Variants in RFX3 observed in about 807,000 individuals in gnomAD.
The protein encoded by RFX3 is transcription factor RFX3.
RFX3 carries 14 observed loss-of-function variants against 98.6 expected under a neutral mutation model. The observed-to-expected ratio is 0.14, with a 90% confidence interval of 0.09 to 0.22. The LOEUF (loss-of-function observed/expected upper bound fraction) is 0.22, where lower values mean the gene tolerates loss of function less well. Ranked by LOEUF, RFX3 falls within the 10% of genes least tolerant of loss-of-function variation. The pLI, the probability that RFX3 is intolerant of heterozygous loss-of-function variation, is 1.00. For missense variants in RFX3, 639 were observed against 926.9 expected (o/e 0.69, Z 4.03); for synonymous variants, 383 against 328.4 (o/e 1.17, Z -1.80).
Position 3,230,941 on chromosome 9 carries a change from G to A in RFX3, c.1969-2052C>T, listed in dbSNP as rs185731858. Among the ~76,000 whole-genome samples the A allele has an allele frequency of 2.0e-4, 30 of 152,090 alleles. 1 individual carries two copies. The highest frequency in any genetic ancestry group is 1.1e-3 in the Admixed American group (17 of 15,262). ...TTGCATTTAGTTGCTACTTAACTCC[G>A]AAAACATGACAACTTCCTTAATACA... On this transcript the variant is annotated intron_variant, in intron 15 of 16. Coordinates refer to ENST00000617270, the MANE Select transcript of RFX3 (RefSeq NM_001282116.2).
intron 2 of RFX3, among the ~76,000 whole-genome samples, chr9:3,390,738 G>A (rs1337623509): frequency 5.9e-5 from 9 of 152,050 alleles, no homozygotes; most frequent in Non-Finnish European, 1.0e-4. Flanking sequence ...GCTGCCACCC[G>A]TGTAAGACAT....
At chr9:3,361,360 G>C (rs1445905794) in intron 2 of RFX3, among the ~76,000 whole-genome samples, 1 of 152,000 alleles carries the variant, frequency 6.6e-6, no homozygotes, top group Non-Finnish European at 1.5e-5. Context: ...TGAGGAAAGA[G>C]AAGTAAAAAA....
Position 3,438,710 on chromosome 9 carries a change from C to T in RFX3, c.-8-43114G>A, listed in dbSNP as rs917076382. ...CAGAAAAAGATATACCACACTAATA[C>T]CAGTCAAAAGAAATCTAGAGTGGCT... is the stretch of plus-strand genomic sequence containing the variant. On this transcript the variant is annotated intron_variant, in intron 1 of 16. Coordinates refer to ENST00000617270, the MANE Select transcript of RFX3 (RefSeq NM_001282116.2). Among the ~76,000 whole-genome samples the T allele has an allele frequency of 4.0e-5, 6 of 151,898 alleles. No homozygotes were observed. In the South Asian group the frequency reaches 1.2e-3, roughly 31 times the overall value.
intron 13 of RFX3, among the ~76,000 whole-genome samples, chr9:3,258,892 T>C (rs1822495939): frequency 6.6e-6 from 1 of 151,592 alleles, no homozygotes. Context: ...ACATACATTT[T>C]ATATTATTAT....
At chr9:3,341,949 A>G (rs1833936364) in intron 3 of RFX3, among the ~76,000 whole-genome samples, 1 of 152,198 alleles carries the variant, frequency 6.6e-6, no homozygotes, top group Admixed American at 6.5e-5. Context: ...GCATAATTTC[A>G]CCTGCAAATA....
intron 1 of RFX3, among the ~76,000 whole-genome samples, chr9:3,396,458 G>C (rs1247957795): frequency 6.6e-6 from 1 of 152,118 alleles, no homozygotes; most frequent in Admixed American, 6.6e-5. Context: ...CATTTGGCTT[G>C]GTTCCGAGTC....
At chr9:3,327,687 A>G (rs1454837166) in intron 4 of RFX3, among the ~76,000 whole-genome samples, 8 of 152,132 alleles carry the variant, frequency 5.3e-5, no homozygotes, top group Non-Finnish European at 8.8e-5. Context: ...TATTTTTAGT[A>G]TAAAATTAAT....
At chr9:3,270,161 G>T (rs1390794631) in intron 11 of RFX3, among the ~76,000 whole-genome samples, 2 of 148,862 alleles carry the variant, frequency 1.3e-5, no homozygotes, top group East Asian at 3.9e-4. Context: ...GAAAGAAAAA[G>T]AAAAGAAAGA....
intron 1 of RFX3, among the ~76,000 whole-genome samples, chr9:3,403,998 C>A (rs1841726669): frequency 6.6e-6 from 1 of 152,136 alleles, no homozygotes. Context: ...AGAATAGAGT[C>A]TTTTGCAGTT....
intron 11 of RFX3, 65 bp downstream of exon 11, chr9:3,270,306 C>A: frequency 6.7e-7 from 1 of 1,497,256 alleles, no homozygotes; most frequent in African/African-American, 1.4e-5. Context: ...AATGTCACTT[C>A]TCAAAACTTC....
chr9:3,322,421 C>A (rs1293983722), intron 4 of RFX3, among the ~76,000 whole-genome samples: 4 of 152,028 alleles, frequency 2.6e-5, no homozygotes, highest in African/African-American at 9.7e-5. Context: ...TCTAGAAAAG[C>A]TATTGATTTA....
chr9:3,445,009 G>A (rs79988525), intron 1 of RFX3, among the ~76,000 whole-genome samples: 9,691 of 152,170 alleles, frequency 0.064, 881 homozygotes, highest in African/African-American at 0.2. Context: ...AAACAGAACA[G>A]ATAGTTTGTA....
At chr9:3,464,481 T>C (rs756208417) in intron 1 of RFX3, among the ~76,000 whole-genome samples, 6 of 152,164 alleles carry the variant, frequency 3.9e-5, no homozygotes, top group Non-Finnish European at 5.9e-5. Flanking sequence ...TGCTGATACA[T>C]ATACAGCTAA....
At chr9:3,273,927 T>C (rs535003563) in intron 9 of RFX3, among the ~76,000 whole-genome samples, 8 of 151,394 alleles carry the variant, frequency 5.3e-5, no homozygotes, top group African/African-American at 1.7e-4. Flanking sequence ...CTTGAACACA[T>C]GGGAATGAGA....
chr9:3,522,502 T>C (rs1394028037), intron 1 of RFX3, among the ~76,000 whole-genome samples: 3 of 152,152 alleles, frequency 2.0e-5, no homozygotes, highest in Non-Finnish European at 4.4e-5. Context: ...ATTCTCACTA[T>C]GGATACTAAG....
At chr9:3,358,561 A>G (rs1243789202) in intron 2 of RFX3, among the ~76,000 whole-genome samples, 2 of 152,190 alleles carry the variant, frequency 1.3e-5, no homozygotes, top group Non-Finnish European at 2.9e-5. Context: ...ATAATTCTTT[A>G]CACTACCTAC....
In RFX3 at chr9:3,437,197, G is replaced by A. The variant is rs1321111013; in HGVS notation, c.-8-41601C>T. 3.3e-5 allele frequency among the ~76,000 whole-genome samples: 5 copies of A among 151,990 alleles called. No homozygotes were observed. The South Asian group carries it at 1.0e-3, about 31-fold the overall frequency. ...ATCCTTCTGCAAAGGGCTCCTGCTT[G>A]CAGAATTAAGCCAGCTTTAGTTGGC... On this transcript the variant is annotated intron_variant, in intron 1 of 16. Transcript: ENST00000617270.
intron 15 of RFX3, among the ~76,000 whole-genome samples, chr9:3,240,342 G>A (rs113779545): frequency 1.3e-5 from 2 of 152,150 alleles, no homozygotes; most frequent in Admixed American, 1.3e-4. Context: ...AAAACTATTG[G>A]GGAAATAGAA....
chr9:3,307,114 C>T (rs539668488), intron 4 of RFX3, among the ~76,000 whole-genome samples: 6 of 152,216 alleles, frequency 3.9e-5, no homozygotes, highest in Admixed American at 3.9e-4. Context: ...TGACTTGCTC[C>T]TTCTTGCCTT....
Sources: gnomAD v4.1 joint callset for allele counts (sites outside exome capture counted in the v4.1 genomes callset) on GRCh38, gnomAD v4.1.1 for gene constraint, MANE v1.5 for transcripts, NCBI Gene and HGNC (gene_info 2026-07-23, HGNC 2026-07-21) for gene names.